ARL5B: variants seen among roughly 807,000 people sequenced by gnomAD.
ARL5B encodes the protein ADP-ribosylation factor-like protein 5B.
Under a neutral mutation model 26.9 loss-of-function variants are expected in ARL5B, and 10 were observed. The observed-to-expected ratio is 0.37, with a 90% CI of 0.23 to 0.63. The LOEUF is 0.63. ARL5B is among the 30% of genes least tolerant of loss of function. The pLI is 0.62. For missense variants in ARL5B, 167 were observed against 213.9 expected, an observed-to-expected ratio of 0.78 and a Z score of 1.37; for synonymous variants, 87 against 70.4, an observed-to-expected ratio of 1.24 and a Z score of -1.18.
In ARL5B at chr10:18,676,511, A is replaced by C. The variant is rs569790400; in HGVS notation, c.*1295A>C. ...TTGTCTAATATGAACAATAATCTAA[A>C]CAATATATTCCTTAAATTAAGAGGA... On this transcript the variant is annotated 3_prime_UTR_variant, in exon 6 of 6. Transcript: ENST00000377275. 6.6e-6 allele frequency: 1 copy of C among 152,144 alleles called. No homozygotes were observed. Among genetic ancestry groups the C allele is most frequent in the African/African-American group, 2.4e-5 (1 of 41,572 alleles). The allele number at this position is 152,144 out of a possible 1,614,324, so 9.4% of individuals were successfully genotyped here.
In ARL5B at chr10:18,679,047, C is replaced by G. The variant is rs529834942; in HGVS notation, c.*3831C>G. 1 of 151,910 alleles carries G rather than the reference C, an allele frequency of 6.6e-6. No homozygotes were observed. Among genetic ancestry groups the G allele is most frequent in the South Asian group, 2.1e-4 (1 of 4,818 alleles). The allele number at this position is 151,910 out of a possible 1,614,324, so 9.4% of individuals were successfully genotyped here. A position where few individuals can be genotyped will look rare whatever the true frequency, so the allele number is the denominator to read the frequency against. Reference sequence around the variant, plus strand: ...AATATGAAATTAAATGTATTTTTATCCATTATTTGATTCCCACCTGTTATT... The same window carrying G: ...AATATGAAATTAAATGTATTTTTATGCATTATTTGATTCCCACCTGTTATT... On this transcript the variant is annotated 3_prime_UTR_variant, in exon 6 of 6. Coordinates refer to ENST00000377275, the MANE Select transcript of ARL5B (RefSeq NM_178815.5).
intron 4 of ARL5B, 87 bp from the exon 5 acceptor site, chr10:18,673,897 A>G (rs977666529): frequency 3.2e-6 from 4 of 1,250,724 alleles, no homozygotes; most frequent in Admixed American, 2.9e-5. Flanking sequence ...ATTATGTTAA[A>G]GTAGAAGCAC....
intron 4 of ARL5B, 80 bp from the exon 5 acceptor site, chr10:18,673,904 G>A: frequency 1.5e-6 from 2 of 1,299,124 alleles, no homozygotes; most frequent in East Asian, 2.7e-5. Flanking sequence ...TAAAGTAGAA[G>A]CACTTCATTA....
rs900371490 is a variant in ARL5B at position 18,680,804 on chromosome 10, C to G, written c.*5588C>G. ...ATGTTAAAAACAACAACAACAAAAA[C>G]CTAACAGCAATTACAACCTTGGTGT... On this transcript the variant is annotated 3_prime_UTR_variant, in exon 6 of 6. Transcript: ENST00000377275. The G allele has an allele frequency of 1.3e-5, 2 of 151,990 alleles. No homozygotes were observed. The highest frequency in any genetic ancestry group is 4.8e-5 in the African/African-American group (2 of 41,386). 9.4% of individuals were successfully genotyped at this position (151,990 alleles called of 1,614,324 possible).
At position 18,680,328 on chromosome 10, in the gene ARL5B, G is replaced by A. The variant is rs1177220203; in HGVS notation, c.*5112G>A. On this transcript the variant is annotated 3_prime_UTR_variant, in exon 6 of 6. Transcript: ENST00000377275. ...CTTGTTTACCAGCTGGGCCAACATG[G>A]TAGATATATGAGATTCACATATGGT... 1 of 152,012 alleles carries A rather than the reference G, an allele frequency of 6.6e-6. No individual in the cohort carries two copies. Among genetic ancestry groups the A allele is most frequent in the African/African-American group, 2.4e-5 (1 of 41,422 alleles). 9.4% of individuals were successfully genotyped at this position (152,012 alleles called of 1,614,324 possible).
Position 18,679,649 on chromosome 10 carries a change from A to C in ARL5B, c.*4433A>C, listed in dbSNP as rs1385265200. The C allele has an allele frequency of 6.6e-6, 1 of 151,986 alleles. No homozygotes were observed. Among genetic ancestry groups the C allele is most frequent in the Non-Finnish European group, 1.5e-5 (1 of 67,862 alleles). 9.4% of individuals were successfully genotyped at this position (151,986 alleles called of 1,614,324 possible). A position where few individuals can be genotyped will look rare whatever the true frequency, so the allele number is the denominator to read the frequency against. ...TTCCATTTTAAATTTAAAGCAGAAA[A>C]AAAAATTGTGCCCCTCAGACCTAAA... On this transcript the variant is annotated 3_prime_UTR_variant, in exon 6 of 6. Coordinates refer to ENST00000377275, the MANE Select transcript of ARL5B (RefSeq NM_178815.5).
Position 18,668,546 on chromosome 10 carries a change from G to T in ARL5B, c.124G>T (p.Val42Phe), listed in dbSNP as rs201735394. The T allele has an allele frequency of 6.2e-7, 1 of 1,613,984 alleles. No homozygotes were observed. The highest frequency in any genetic ancestry group is 1.1e-5 in the South Asian group (1 of 91,060). The change falls in exon 3 of 6, where the codon GTT (valine) becomes TTT (phenylalanine). Residue 42 changes from valine (V) to phenylalanine (F), a missense_variant. Physicochemically the swap from Val to Phe is conservative, Grantham distance 50 (BLOSUM62 -1). Transcript: ENST00000377275. ...TTTCAACAGCTTAATGAATGAAGTG[G>T]TTCATACTTCTCCAACCATAGGAAG... is the stretch of plus-strand genomic sequence containing the variant. ...ILYQFLMNEVVHTSPTIGSNV... is the reference protein window; with the variant it reads ...ILYQFLMNEVFHTSPTIGSNV...
At position 18,667,180 on chromosome 10, in the gene ARL5B, A is replaced by G. The variant is rs141277460; in HGVS notation, c.107+545A>G. ...CAGAGTACCTTCCATTATCCTTTCA[A>G]TGCCAATGAAATGATAGTATTAAGC... On this transcript the variant is annotated intron_variant, in intron 2 of 5. Coordinates refer to ENST00000377275, the MANE Select transcript of ARL5B (RefSeq NM_178815.5). Among the ~76,000 whole-genome samples the G allele has an allele frequency of 2.9e-3, 448 of 152,300 alleles. 7 individuals are homozygous for G. Among genetic ancestry groups the G allele is most frequent in the East Asian group, 6.4e-3 (33 of 5,172 alleles).
chr10:18,679,155 G>T lies in ARL5B; in HGVS notation c.*3939G>T, dbSNP rs1168964838. 1 of 151,874 alleles carries T rather than the reference G, an allele frequency of 6.6e-6. No homozygotes were observed. The highest frequency in any genetic ancestry group is 1.5e-5 in the Non-Finnish European group (1 of 67,814). 9.4% of individuals were successfully genotyped at this position (151,874 alleles called of 1,614,324 possible). A position where few individuals can be genotyped will look rare whatever the true frequency, so the allele number is the denominator to read the frequency against. On this transcript the variant is annotated 3_prime_UTR_variant, in exon 6 of 6. Coordinates refer to ENST00000377275, the MANE Select transcript of ARL5B (RefSeq NM_178815.5). ...ACTTAAATTCAGCGAATTAATAGCTGAATAGAAATAGCTAATGACAATGCA... is the reference window on the plus strand; with the variant it reads ...ACTTAAATTCAGCGAATTAATAGCTTAATAGAAATAGCTAATGACAATGCA...
At chr10:18,668,888 G>C (rs1414125701) in intron 3 of ARL5B, among the ~76,000 whole-genome samples, 1 of 151,138 alleles carries the variant, frequency 6.6e-6, no homozygotes, top group South Asian at 2.1e-4. Context: ...TCCTGCCTCA[G>C]CCTCCCAAAT....
chr10:18,672,790 TATG>T (rs1429202753), intron 4 of ARL5B, 85 bp downstream of exon 4: 3 of 815,102 alleles, frequency 3.7e-6, no homozygotes, highest in African/African-American at 1.7e-5. Flanking sequence ...ATTAATGTGA[TATG>T]ATGTTGGCTA....
rs149769245 is a variant in ARL5B at position 18,677,570 on chromosome 10, G to A, written c.*2354G>A. 10 of 152,280 alleles carry A rather than the reference G, an allele frequency of 6.6e-5. No individual in the cohort carries two copies. In the East Asian group the frequency reaches 9.7e-4, roughly 15 times the overall value. The allele number at this position is 152,280 out of a possible 1,614,324, so 9.4% of individuals were successfully genotyped here. A position where few individuals can be genotyped will look rare whatever the true frequency, so the allele number is the denominator to read the frequency against. On this transcript the variant is annotated 3_prime_UTR_variant, in exon 6 of 6. Transcript: ENST00000377275. The stretch of plus-strand genomic sequence containing the variant: ...ACTCAATCTTTCCTGTCACAGTAAC[G>A]TGAAAACTGATTATTCTTTACTCCA...
At chr10:18,671,135 A>C (rs7072963) in intron 3 of ARL5B, among the ~76,000 whole-genome samples, 32,156 of 151,884 alleles carry the variant, frequency 0.21, 3,712 homozygotes, top group South Asian at 0.31. Context: ...TCTAAGCCCA[A>C]CTCAGTTTAT....
chr10:18,664,782 A>G (rs186858593), intron 1 of ARL5B, among the ~76,000 whole-genome samples: 15 of 152,006 alleles, frequency 9.9e-5, no homozygotes, highest in East Asian at 1.9e-4. Context: ...TTAGGGACCT[A>G]CCTTTCAAAA....
Position 18,659,481 on chromosome 10 carries a change from C to T in ARL5B, c.-157C>T, listed in dbSNP as rs1371623240. ...CGGTGGGGATTCGTCGCGGCGCCTTCTGAGTGGTCGGGTCGAGGCTTCTCG... is the reference window on the plus strand; with the variant it reads ...CGGTGGGGATTCGTCGCGGCGCCTTTTGAGTGGTCGGGTCGAGGCTTCTCG... On this transcript the variant is annotated 5_prime_UTR_variant, in exon 1 of 6. Transcript: ENST00000377275. The T allele has an allele frequency of 5.2e-6, 5 of 957,968 alleles. No homozygotes were observed. Among genetic ancestry groups the T allele is most frequent in the Middle Eastern group, 3.4e-4 (1 of 2,934 alleles). The allele number at this position is 957,968 out of a possible 1,614,324, so 59.3% of individuals were successfully genotyped here. A position where few individuals can be genotyped will look rare whatever the true frequency, so the allele number is the denominator to read the frequency against.
At chr10:18,667,484 C>T (rs1457258754) in intron 2 of ARL5B, among the ~76,000 whole-genome samples, 1 of 152,088 alleles carries the variant, frequency 6.6e-6, no homozygotes, top group Non-Finnish European at 1.5e-5. Context: ...AGCTTTTAAA[C>T]ATCACATATA....
chr10:18,662,877 A>G (rs2059843334), intron 1 of ARL5B, among the ~76,000 whole-genome samples: 1 of 150,780 alleles, frequency 6.6e-6, no homozygotes, highest in Non-Finnish European at 1.5e-5. Context: ...TAATTTTTGT[A>G]TTTTTAGTAG....
chr10:18,663,775 C>T (rs1221847918), intron 1 of ARL5B, among the ~76,000 whole-genome samples: 7 of 151,454 alleles, frequency 4.6e-5, no homozygotes, highest in Non-Finnish European at 7.4e-5. Flanking sequence ...GTCTCGATCT[C>T]CTGACCTTGT....
chr10:18,664,061 C>A (rs1050188519), intron 1 of ARL5B, among the ~76,000 whole-genome samples: 1 of 152,092 alleles, frequency 6.6e-6, no homozygotes, highest in Admixed American at 6.6e-5. Flanking sequence ...TCAAGTGATT[C>A]TCCTGCCTCA....
Sources: gnomAD v4.1 joint callset for allele counts (sites outside exome capture counted in the v4.1 genomes callset) on GRCh38, gnomAD v4.1.1 for gene constraint, MANE v1.5 for transcripts, NCBI Gene and HGNC (gene_info 2026-07-23, HGNC 2026-07-21) for gene names.